The following STAT4 variants were observed in gnomAD, a reference collection of about 807,000 sequenced individuals.
STAT4 encodes the protein signal transducer and activator of transcription 4.
In STAT4, 42 loss-of-function variants were observed where a neutral mutation model predicts 110.5. That is an observed-to-expected ratio of 0.38 (90% confidence interval 0.30 to 0.49). The LOEUF is 0.49. Ranked by LOEUF, STAT4 falls within the 20% of genes least tolerant of loss-of-function variation. STAT4 has a pLI of 0.95. For synonymous variants in STAT4, 284 were observed against 302.2 expected (o/e 0.94, Z 0.63); for missense variants, 632 against 887.9 (o/e 0.71, Z 3.66).
chr2:191,034,947 G>A (rs561712975), intron 17 of STAT4, among the ~76,000 whole-genome samples: 1 of 152,186 alleles, frequency 6.6e-6, no homozygotes, highest in Non-Finnish European at 1.5e-5. Flanking sequence ...CATGGAGAAG[G>A]CTCACGTTGG....
chr2:191,036,805 T>G (rs927228221), intron 16 of STAT4, among the ~76,000 whole-genome samples: 1 of 152,202 alleles, frequency 6.6e-6, no homozygotes, highest in African/African-American at 2.4e-5. Context: ...TTGCTGCAGA[T>G]CCATACATAT....
rs1398075282 is a variant in STAT4 at position 191,037,878 on chromosome 2, A to G, written c.1434+1321T>C. On this transcript the variant is annotated intron_variant, in intron 16 of 23. Coordinates refer to ENST00000392320, the MANE Select transcript of STAT4 (RefSeq NM_003151.4). The surrounding 1 kb of genome is among the most constrained non-coding windows in gnomAD (Gnocchi z 4.8). ...GGCCTAAGGGCTTAGGTTTCAAAGC[A>G]GGATAGAATTAAGAGGAGAAACCAG... 6.6e-6 allele frequency among the ~76,000 whole-genome samples: 1 copy of G among 152,236 alleles called. No homozygotes were observed. Among genetic ancestry groups the G allele is most frequent in the African/African-American group, 2.4e-5 (1 of 41,462 alleles).
intron 6 of STAT4, among the ~76,000 whole-genome samples, chr2:191,068,810 G>C (rs962695908): frequency 1.3e-5 from 2 of 151,978 alleles, no homozygotes; most frequent in African/African-American, 4.8e-5. Context: ...TTAGAATCTT[G>C]TCAATTGTCC....
intron 3 of STAT4, among the ~76,000 whole-genome samples, chr2:191,079,033 C>T (rs755940059): frequency 1.3e-5 from 2 of 152,054 alleles, no homozygotes; most frequent in East Asian, 1.9e-4. Context: ...CACTGCTCTG[C>T]TGGGCCAGCT....
intron 3 of STAT4, among the ~76,000 whole-genome samples, chr2:191,130,064 G>A (rs1292077936): frequency 6.6e-6 from 1 of 151,962 alleles, no homozygotes; most frequent in East Asian, 1.9e-4. Flanking sequence ...AGGTATCTTT[G>A]AGGTGAAGTT....
At chr2:191,048,788 CAAAAAAAA>C (rs60267174) in intron 14 of STAT4, among the ~76,000 whole-genome samples, 2 of 48,768 alleles carry the variant, frequency 4.1e-5, no homozygotes, top group Non-Finnish European at 6.4e-5. Context: ...AACTCCATCT[CAAAAAAAA>C]AAAAAAAAAA....
At chr2:191,132,294 T>A (rs1208691882) in intron 3 of STAT4, among the ~76,000 whole-genome samples, 1 of 151,788 alleles carries the variant, frequency 6.6e-6, no homozygotes, top group East Asian at 1.9e-4. Context: ...GATAGAGCAA[T>A]GTCTACAAAT....
At position 191,053,840 on chromosome 2, in the gene STAT4, T is replaced by C. The variant is rs903898991; in HGVS notation, c.1251+650A>G. Among the ~76,000 whole-genome samples the C allele has an allele frequency of 6.6e-6, 1 of 152,170 alleles. No homozygotes were observed. The highest frequency in any genetic ancestry group is 2.1e-4 in the South Asian group (1 of 4,830). Reference sequence around the variant, plus strand: ...GAGTATTTAAAATTATGGAAAACTGTTCTCCGGGCTGGGCACGGTGGCTCA... The same window carrying C: ...GAGTATTTAAAATTATGGAAAACTGCTCTCCGGGCTGGGCACGGTGGCTCA... On this transcript the variant is annotated intron_variant, in intron 14 of 23. Coordinates refer to ENST00000392320, the MANE Select transcript of STAT4 (RefSeq NM_003151.4). This position sits in a 1 kb window ranked among gnomAD's most constrained non-coding sequence, Gnocchi z 4.5.
chr2:191,084,004 C>T (rs1697560093), intron 3 of STAT4, among the ~76,000 whole-genome samples: 1 of 152,090 alleles, frequency 6.6e-6, no homozygotes, highest in South Asian at 2.1e-4. Flanking sequence ...TGGCTCACGC[C>T]TGTAATTCCA....
At chr2:191,148,048 C>G in intron 2 of STAT4, 28 bp downstream of exon 2, 1 of 1,612,772 alleles carries the variant, frequency 6.2e-7, no homozygotes, top group Non-Finnish European at 8.5e-7. Context: ...TGTGCATCAA[C>G]TTCTAGGGAA....
At position 191,051,566 on chromosome 2, in the gene STAT4, C is replaced by G. The variant is rs144245767; in HGVS notation, c.1251+2924G>C. On this transcript the variant is annotated intron_variant, in intron 14 of 23. Transcript: ENST00000392320. This position sits in a 1 kb window ranked among gnomAD's most constrained non-coding sequence, Gnocchi z 5.6. Reference sequence around the variant, plus strand: ...CACGACACAAGTGCAAAAGGAGACACAGTAGACAAGAGAGGTCAACAACAT... The same window carrying G: ...CACGACACAAGTGCAAAAGGAGACAGAGTAGACAAGAGAGGTCAACAACAT... 1.3e-5 allele frequency among the ~76,000 whole-genome samples: 2 copies of G among 152,214 alleles called. No homozygotes were observed. The highest frequency in any genetic ancestry group is 2.1e-4 in the South Asian group (1 of 4,828).
chr2:191,052,856 C>A (rs960224114), intron 14 of STAT4, among the ~76,000 whole-genome samples: 5 of 152,144 alleles, frequency 3.3e-5, no homozygotes, highest in African/African-American at 9.7e-5. Context: ...GGAAGAATAT[C>A]TTCCACTCAA....
chr2:191,031,362 C>G lies in STAT4; in HGVS notation c.2111+88G>C. 8 of 1,330,216 alleles carry G rather than the reference C, an allele frequency of 6.0e-6. No individual in the cohort carries two copies. The highest frequency in any genetic ancestry group is 8.3e-6 in the Non-Finnish European group (8 of 958,882). 82.4% of individuals were successfully genotyped at this position (1,330,216 alleles called of 1,614,324 possible). On this transcript the variant is annotated intron_variant, in intron 22 of 23. Coordinates refer to ENST00000392320, the MANE Select transcript of STAT4 (RefSeq NM_003151.4). This position sits in a 1 kb window ranked among gnomAD's most constrained non-coding sequence, Gnocchi z 4.8. ...ACATTGCACATTACAATGCTTTGTT[C>G]TCAGTTATGTGTACTCTGCTCTACC... is the stretch of plus-strand genomic sequence containing the variant.
At chr2:191,089,592 T>G (rs1697736939) in intron 3 of STAT4, among the ~76,000 whole-genome samples, 1 of 152,258 alleles carries the variant, frequency 6.6e-6, no homozygotes, top group Non-Finnish European at 1.5e-5. Context: ...CATTTCTACA[T>G]GAAAACCTAC....
At position 191,048,070 on chromosome 2, in the gene STAT4, G is replaced by A. The variant is rs576374615; in HGVS notation, c.1251+6420C>T. On this transcript the variant is annotated intron_variant, in intron 14 of 23. Coordinates refer to ENST00000392320, the MANE Select transcript of STAT4 (RefSeq NM_003151.4). ...CTGTGTGTTCACCACCAAATATCAG[G>A]GTCTTAAAAGTGTGAGAAACCAGGA... Among the ~76,000 whole-genome samples, 16 of 152,204 alleles carry A rather than the reference G, an allele frequency of 1.1e-4. No homozygotes were observed. In the South Asian group the frequency reaches 2.5e-3, roughly 24 times the overall value.
intron 3 of STAT4, among the ~76,000 whole-genome samples, chr2:191,100,266 A>G (rs1390996035): frequency 6.6e-6 from 1 of 152,172 alleles, no homozygotes; most frequent in Non-Finnish European, 1.5e-5. Context: ...ATGTGGCGGA[A>G]GTATTAATAC....
chr2:191,029,881 G>A lies in STAT4; in HGVS notation c.2221-15C>T. ...GGAGACTTCATCTAAAATTAAAAAT[G>A]AAAATAATCTTTGAGGAAACTACTG... On this transcript the variant is annotated splice_polypyrimidine_tract_variant and intron_variant, in intron 23 of 23. Transcript: ENST00000392320. The surrounding 1 kb of genome is among the most constrained non-coding windows in gnomAD (Gnocchi z 4.5). 6.3e-7 allele frequency: 1 copy of A among 1,582,944 alleles called. No individual in the cohort carries two copies. Among genetic ancestry groups the A allele is most frequent in the Non-Finnish European group, 8.6e-7 (1 of 1,164,226 alleles).
At chr2:191,121,229 C>T (rs560993556) in intron 3 of STAT4, among the ~76,000 whole-genome samples, 1 of 152,342 alleles carries the variant, frequency 6.6e-6, no homozygotes, top group Admixed American at 6.5e-5. Context: ...GAGATACCAT[C>T]TCACACCAGT....
At position 191,061,900 on chromosome 2, in the gene STAT4, C is replaced by G. The variant is rs548185493; in HGVS notation, c.942-79G>C. 3 of 1,371,366 alleles carry G rather than the reference C, an allele frequency of 2.2e-6. No individual in the cohort carries two copies. Among genetic ancestry groups the G allele is most frequent in the Non-Finnish European group, 3.1e-6 (3 of 979,562 alleles). The allele number at this position is 1,371,366 out of a possible 1,614,324, so 84.9% of individuals were successfully genotyped here. A position where few individuals can be genotyped will look rare whatever the true frequency, so the allele number is the denominator to read the frequency against. ...CTGAAAACCACAGAGGAACAGGATG[C>G]TATCCACTCAAAGTCCAAATTTTCT... On this transcript the variant is annotated intron_variant, in intron 9 of 23. Transcript: ENST00000392320. This position sits in a 1 kb window ranked among gnomAD's most constrained non-coding sequence, Gnocchi z 6.2.
Sources: gnomAD v4.1 joint callset for allele counts (sites outside exome capture counted in the v4.1 genomes callset) on GRCh38, gnomAD v4.1.1 for gene constraint, Gnocchi (gnomAD v3.1) non-coding constraint, MANE v1.5 for transcripts, NCBI Gene and HGNC (gene_info 2026-07-23, HGNC 2026-07-21) for gene names.